The following TRPM3 variants were observed in gnomAD, a reference collection of about 807,000 sequenced individuals.
TRPM3 encodes transient receptor potential cation channel subfamily M member 3, also known as long transient receptor potential channel 3.
Under a neutral mutation model 181.2 loss-of-function variants are expected in TRPM3, and 77 were observed. That is an observed-to-expected ratio of 0.42 (90% confidence interval 0.35 to 0.51). The LOEUF (loss-of-function observed/expected upper bound fraction) is 0.51, where lower values mean the gene tolerates loss of function less well. TRPM3 is among the 20% of genes least tolerant of loss of function. The pLI is 0.01. For synonymous variants in TRPM3, 745 were observed against 796.4 expected, an observed-to-expected ratio of 0.94 and a Z score of 1.09; for missense variants, 1,759 against 2,196.7, an observed-to-expected ratio of 0.80 and a Z score of 3.98.
intron 1 of TRPM3, among the ~76,000 whole-genome samples, chr9:71,232,879 C>G (rs938044875): frequency 6.6e-6 from 1 of 152,148 alleles, no homozygotes; most frequent in Non-Finnish European, 1.5e-5. Context: ...ACCCTGCTGC[C>G]TTCTGCACTG....
chr9:71,355,303 C>A (rs554652577), intron 1 of TRPM3, among the ~76,000 whole-genome samples: 1 of 152,132 alleles, frequency 6.6e-6, no homozygotes, highest in Non-Finnish European at 1.5e-5. Flanking sequence ...TGAGCACTAA[C>A]CCAATGTCTG....
At chr9:70,835,961 A>T (rs1383561599) in intron 5 of TRPM3, among the ~76,000 whole-genome samples, 4 of 152,184 alleles carry the variant, frequency 2.6e-5, no homozygotes, top group East Asian at 3.9e-4. Context: ...TGACTTCTGA[A>T]TGCCACTGTG....
intron 1 of TRPM3, among the ~76,000 whole-genome samples, chr9:71,155,438 C>A (rs572298022): frequency 7.2e-5 from 11 of 152,048 alleles, no homozygotes; most frequent in African/African-American, 2.7e-4. Context: ...CCTGCCTCAG[C>A]CTCCCAAGTA....
chr9:70,701,725 A>G (rs576122634), intron 8 of TRPM3, among the ~76,000 whole-genome samples: 131 of 152,334 alleles, frequency 8.6e-4, no homozygotes, highest in African/African-American at 3.1e-3. Context: ...AGAATTGAAC[A>G]TATCTAGATT....
At chr9:70,741,731 C>T (rs1331710712) in intron 8 of TRPM3, among the ~76,000 whole-genome samples, 1 of 152,098 alleles carries the variant, frequency 6.6e-6, no homozygotes, top group Non-Finnish European at 1.5e-5. Context: ...GAATGGAAAA[C>T]AAAACATCTT....
chr9:71,374,893 G>A (rs1358409648), intron 1 of TRPM3, among the ~76,000 whole-genome samples: 1 of 152,140 alleles, frequency 6.6e-6, no homozygotes, highest in Non-Finnish European at 1.5e-5. Flanking sequence ...AACAAGGGAA[G>A]TGAAGGACCT....
At position 71,206,438 on chromosome 9, in the gene TRPM3, GT is replaced by G. The variant is rs201384136; in HGVS notation, c.183+240214del. 5.3e-5 allele frequency among the ~76,000 whole-genome samples: 8 copies of G among 150,658 alleles called. No individual in the cohort carries two copies. In the East Asian group the frequency reaches 7.8e-4, roughly 15 times the overall value. ...ATATCCTTCACCCACTTTTTGATGG[GT>G]TTTTTTTTCTTATAAATTTAAGTTC... On this transcript the variant is annotated intron_variant, in intron 1 of 24. Coordinates refer to the TRPM3 transcript ENST00000357533.
intron 25 of TRPM3, 114 bp from the exon 26 acceptor site, chr9:70,537,519 A>C (rs1194803135): frequency 2.3e-6 from 2 of 871,684 alleles, no homozygotes; most frequent in African/African-American, 1.7e-5. Context: ...TCAATGGAAG[A>C]CAGGTTACAG....
rs113686980 is a variant in TRPM3, at chr9:71,434,788, C to T, written c.183+11865G>A. Among the ~76,000 whole-genome samples the T allele has an allele frequency of 5.3e-3, 800 of 152,214 alleles. 10 individuals carry two copies. Among genetic ancestry groups the T allele is most frequent in the African/African-American group, 0.019 (769 of 41,534 alleles). ...TTTGAAGACTGTGTTAAATTTTTCA[C>T]CTTTCTTTCTTGCCTATTAACAGTG... On this transcript the variant is annotated intron_variant, in intron 1 of 24. Coordinates refer to the TRPM3 transcript ENST00000357533.
intron 1 of TRPM3, among the ~76,000 whole-genome samples, chr9:71,007,897 A>AATT (rs1459667170): frequency 9.9e-5 from 15 of 152,108 alleles, no homozygotes; most frequent in Non-Finnish European, 2.9e-5. Context: ...ATAAACCCAA[A>AATT]ATTAGTAGAA....
chr9:71,433,804 T>C (rs2093992408), intron 1 of TRPM3, among the ~76,000 whole-genome samples: 1 of 152,224 alleles, frequency 6.6e-6, no homozygotes, highest in Admixed American at 6.5e-5. Flanking sequence ...CCTAGCTCTT[T>C]GTGCTTCTAA....
chr9:71,366,711 ATTTT>A (rs1277914936), intron 1 of TRPM3, among the ~76,000 whole-genome samples: 1 of 152,116 alleles, frequency 6.6e-6, no homozygotes, highest in Non-Finnish European at 1.5e-5. Flanking sequence ...TTATATACAT[ATTTT>A]TTATTACATG....
In TRPM3 at chr9:71,184,485, G is replaced by A. The variant is rs535027174; in HGVS notation, c.183+262168C>T. Among the ~76,000 whole-genome samples, 19 of 151,994 alleles carry A rather than the reference G, an allele frequency of 1.3e-4. No homozygotes were observed. In the South Asian group the frequency reaches 2.1e-3, roughly 17 times the overall value. On this transcript the variant is annotated intron_variant, in intron 1 of 24. Coordinates refer to the TRPM3 transcript ENST00000357533. ...CTTTTTCCTCTTCAATATTATCAAA[G>A]CCCCAAAAATGGAAGTGACCTGGGC...
chr9:70,866,589 G>C (rs2095654186), intron 1 of TRPM3, among the ~76,000 whole-genome samples: 1 of 152,052 alleles, frequency 6.6e-6, no homozygotes. Flanking sequence ...GTTGATTCTG[G>C]TACTAAAAGT....
At chr9:70,767,322 G>C (rs2079337361) in intron 7 of TRPM3, among the ~76,000 whole-genome samples, 1 of 152,150 alleles carries the variant, frequency 6.6e-6, no homozygotes, top group Non-Finnish European at 1.5e-5. Context: ...ACATCTGCTT[G>C]CTCATTCATT....
intron 1 of TRPM3, among the ~76,000 whole-genome samples, chr9:71,274,714 T>C (rs1421462224): frequency 1.3e-5 from 2 of 152,254 alleles, no homozygotes; most frequent in Non-Finnish European, 2.9e-5. Flanking sequence ...GTAGTGGGCA[T>C]GAGCTTTCGT....
chr9:71,105,327 A>C (rs936731473), intron 1 of TRPM3, among the ~76,000 whole-genome samples: 2 of 152,216 alleles, frequency 1.3e-5, no homozygotes, highest in African/African-American at 4.8e-5. Context: ...GGAGAGACTC[A>C]GGAAAACAAA....
intron 1 of TRPM3, among the ~76,000 whole-genome samples, chr9:70,896,405 T>C (rs1198702734): frequency 6.6e-6 from 1 of 152,182 alleles, no homozygotes; most frequent in Non-Finnish European, 1.5e-5. Context: ...TGAAAACATA[T>C]TGGGATCTGG....
chr9:70,694,095 G>T (rs922885703), intron 8 of TRPM3, among the ~76,000 whole-genome samples: 2 of 152,180 alleles, frequency 1.3e-5, no homozygotes, highest in African/African-American at 4.8e-5. Context: ...GAGAGACTCT[G>T]CCATGGAGGT....
Sources: gnomAD v4.1 joint callset for allele counts (sites outside exome capture counted in the v4.1 genomes callset) on GRCh38, gnomAD v4.1.1 for gene constraint, MANE v1.5 for transcripts, NCBI Gene and HGNC (gene_info 2026-07-23, HGNC 2026-07-21) for gene names.